Variants in CDC42BPA observed in about 807,000 individuals in gnomAD.
CDC42BPA encodes serine/threonine-protein kinase MRCK alpha.
In CDC42BPA, 80 loss-of-function variants were observed where a neutral mutation model predicts 223.5. The observed-to-expected ratio is 0.36, with a 90% CI of 0.30 to 0.43. The LOEUF (loss-of-function observed/expected upper bound fraction) is 0.43, where lower values mean the gene tolerates loss of function less well. Among genes scored for constraint, CDC42BPA ranks in the 20% least tolerant of loss-of-function variants. The pLI, the probability that CDC42BPA is intolerant of heterozygous loss-of-function variation, is 1.00. For synonymous variants in CDC42BPA, 694 were observed against 718.6 expected, an observed-to-expected ratio of 0.97 and a Z score of 0.55; for missense variants, 1,743 against 2,099.9, an observed-to-expected ratio of 0.83 and a Z score of 3.32.
chr1:227,128,499 T>TTA (rs1656324646), intron 11 of CDC42BPA, among the ~76,000 whole-genome samples: 1 of 152,172 alleles, frequency 6.6e-6, no homozygotes. Context: ...GAATTTTTGT[T>TTA]TAGTCTGTTT....
At position 227,068,948 on chromosome 1, in the gene CDC42BPA, T is replaced by C. The variant is rs114182647; in HGVS notation, c.2904+829A>G. On this transcript the variant is annotated intron_variant, in intron 21 of 36. Coordinates refer to ENST00000366766, the MANE Select transcript of CDC42BPA (RefSeq NM_001394014.1). The stretch of plus-strand genomic sequence containing the variant: ...CACAATTCACATACTGTGCCCAAAA[T>C]GTAATAAAATGAAGCTCATGACAAA... 8.7e-3 allele frequency: 1,354 copies of C among 155,614 alleles called. 19 individuals are homozygous for C. Among genetic ancestry groups the C allele is most frequent in the Non-Finnish European group, 0.013 (877 of 69,398 alleles). 9.6% of individuals were successfully genotyped at this position (155,614 alleles called of 1,614,324 possible).
intron 2 of CDC42BPA, among the ~76,000 whole-genome samples, chr1:227,245,271 C>CT (rs1680714275): frequency 1.4e-5 from 2 of 142,918 alleles, no homozygotes; most frequent in South Asian, 4.7e-4. Flanking sequence ...GTAAAGAGGA[C>CT]TTTGTCTTGC....
chr1:227,191,167 A>C (rs1669637102), intron 5 of CDC42BPA, among the ~76,000 whole-genome samples: 1 of 152,038 alleles, frequency 6.6e-6, no homozygotes, highest in African/African-American at 2.4e-5. Context: ...AACATGGAGA[A>C]AACCCACCTC....
intron 5 of CDC42BPA, among the ~76,000 whole-genome samples, chr1:227,181,713 A>G (rs1667969206): frequency 6.6e-6 from 1 of 152,218 alleles, no homozygotes; most frequent in Admixed American, 6.5e-5. Context: ...CTAGAATATC[A>G]GGAAAAACTG....
At chr1:227,245,284 C>CTTTTTTTTTTTTTTTTT (rs759666049) in intron 2 of CDC42BPA, among the ~76,000 whole-genome samples, 1 of 81,786 alleles carries the variant, frequency 1.2e-5, no homozygotes, top group African/African-American at 5.3e-5. Context: ...TGTCTTGCAT[C>CTTTTTTTTTTTTTTTTT]TTTTTTTTTT....
intron 24 of CDC42BPA, among the ~76,000 whole-genome samples, chr1:227,036,416 A>G (rs932323570): frequency 1.4e-5 from 2 of 145,696 alleles, no homozygotes; most frequent in Non-Finnish European, 3.0e-5. Flanking sequence ...CACAACTTCA[A>G]TTCACTTTTT....
At chr1:227,301,610 G>C (rs371061808) in intron 1 of CDC42BPA, among the ~76,000 whole-genome samples, 1 of 151,966 alleles carries the variant, frequency 6.6e-6, no homozygotes, top group African/African-American at 2.4e-5. Context: ...TGCCCACCTC[G>C]GCCTCCCAAA....
At chr1:227,253,348 T>C (rs1682435670) in intron 2 of CDC42BPA, among the ~76,000 whole-genome samples, 1 of 152,098 alleles carries the variant, frequency 6.6e-6, no homozygotes, top group African/African-American at 2.4e-5. Context: ...TATGAAAATA[T>C]CCTTTAGGAG....
At chr1:227,161,444 T>G (rs1663875168) in intron 5 of CDC42BPA, among the ~76,000 whole-genome samples, 1 of 152,178 alleles carries the variant, frequency 6.6e-6, no homozygotes, top group South Asian at 2.1e-4. Flanking sequence ...AACCTATATA[T>G]TTTTTAAAAA....
At chr1:227,218,908 G>A (rs560673365) in intron 2 of CDC42BPA, among the ~76,000 whole-genome samples, 16 of 152,296 alleles carry the variant, frequency 1.1e-4, no homozygotes, top group Admixed American at 6.5e-5. Context: ...AAACCAGCTA[G>A]AGATATCCTT....
chr1:227,129,256 TA>T, intron 10 of CDC42BPA, 25 bp from the exon 11 acceptor site: 1 of 1,495,992 alleles, frequency 6.7e-7, no homozygotes, highest in Non-Finnish European at 9.0e-7. Context: ...ATAAAAGAAA[TA>T]AAAATATCAC....
At chr1:227,082,387 G>A (rs1680875010) in intron 16 of CDC42BPA, among the ~76,000 whole-genome samples, 1 of 151,808 alleles carries the variant, frequency 6.6e-6, no homozygotes. Flanking sequence ...AGGTTCCCCT[G>A]CAACACCTTT....
At chr1:227,137,399 T>C (rs571903033) in intron 10 of CDC42BPA, among the ~76,000 whole-genome samples, 97 of 152,106 alleles carry the variant, frequency 6.4e-4, no homozygotes, top group Non-Finnish European at 1.1e-3. Context: ...GTAGAACTCA[T>C]ACATTATTAG....
chr1:227,084,544 A>C (rs945965392), intron 16 of CDC42BPA, among the ~76,000 whole-genome samples: 1 of 151,078 alleles, frequency 6.6e-6, no homozygotes, highest in African/African-American at 2.4e-5. Flanking sequence ...AAAAAAAAAA[A>C]ATTTTTTTTT....
At chr1:227,210,963 A>G (rs1673770828) in intron 3 of CDC42BPA, among the ~76,000 whole-genome samples, 1 of 152,152 alleles carries the variant, frequency 6.6e-6, no homozygotes, top group East Asian at 1.9e-4. Flanking sequence ...TCTGCTACAG[A>G]GCTCCCAGTG....
At chr1:227,216,820 T>C (rs1399646467) in intron 2 of CDC42BPA, among the ~76,000 whole-genome samples, 4 of 152,192 alleles carry the variant, frequency 2.6e-5, no homozygotes, top group Non-Finnish European at 5.9e-5. Context: ...AGAACAAAGA[T>C]ATATTTTTAA....
At chr1:227,233,280 G>A (rs1051579824) in intron 2 of CDC42BPA, among the ~76,000 whole-genome samples, 8 of 151,904 alleles carry the variant, frequency 5.3e-5, no homozygotes, top group East Asian at 3.9e-4. Flanking sequence ...CTTGTGATCC[G>A]CCCACCTTGG....
At chr1:227,289,027 AAAATT>A (rs1343933780) in intron 1 of CDC42BPA, among the ~76,000 whole-genome samples, 1 of 152,152 alleles carries the variant, frequency 6.6e-6, no homozygotes, top group Non-Finnish European at 1.5e-5. Flanking sequence ...TCAAAATAAA[AAAATT>A]AAATAAAATG....
chr1:227,155,456 CAG>C (rs1189312856), intron 6 of CDC42BPA, among the ~76,000 whole-genome samples: 3 of 152,120 alleles, frequency 2.0e-5, no homozygotes, highest in African/African-American at 7.2e-5. Context: ...ATCCAGGAAA[CAG>C]AGTCCAATAC....
Sources: gnomAD v4.1 joint callset for allele counts (sites outside exome capture counted in the v4.1 genomes callset) on GRCh38, gnomAD v4.1.1 for gene constraint, MANE v1.5 for transcripts, NCBI Gene and HGNC (gene_info 2026-07-23, HGNC 2026-07-21) for gene names.